Variants in JAKMIP1 observed in about 807,000 individuals in gnomAD.
JAKMIP1 encodes the protein janus kinase and microtubule-interacting protein 1.
JAKMIP1 carries 33 observed loss-of-function variants against 113.0 expected under a neutral mutation model. That is an observed-to-expected ratio of 0.29 (90% confidence interval 0.22 to 0.39). The LOEUF (loss-of-function observed/expected upper bound fraction) is 0.39. JAKMIP1 is among the 10% of genes least tolerant of loss of function. The pLI is 1.00. For missense variants in JAKMIP1, 813 were observed against 1,080.5 expected (o/e 0.75, Z 3.47); for synonymous variants, 480 against 459.9 (o/e 1.04, Z -0.56).
In JAKMIP1 at chr4:6,184,762, G is replaced by A. The variant is rs375645421; in HGVS notation, c.-148+15491C>T. The stretch of plus-strand genomic sequence containing the variant: ...GATGGTTAATATTGAGTGTCAACTC[G>A]ATTGGACAGAAGGATAGAAAGTATT... On this transcript the variant is annotated intron_variant, in intron 1 of 20. Coordinates refer to ENST00000409021, the MANE Select transcript of JAKMIP1 (RefSeq NM_001099433.2). This position sits in a 1 kb window ranked among gnomAD's most constrained non-coding sequence, Gnocchi z 4.5. 3.9e-5 allele frequency among the ~76,000 whole-genome samples: 6 copies of A among 152,162 alleles called. No individual in the cohort carries two copies. The highest frequency in any genetic ancestry group is 7.2e-5 in the African/African-American group (3 of 41,440).
At chr4:6,163,468 G>A (rs1723209057) in intron 1 of JAKMIP1, among the ~76,000 whole-genome samples, 1 of 152,128 alleles carries the variant, frequency 6.6e-6, no homozygotes, top group South Asian at 2.1e-4. Flanking sequence ...CCACTCCACT[G>A]ACCAGCCATT....
intron 1 of JAKMIP1, among the ~76,000 whole-genome samples, chr4:6,128,134 G>A (rs1047401154): frequency 2.0e-5 from 3 of 152,166 alleles, no homozygotes; most frequent in African/African-American, 7.2e-5. Flanking sequence ...ACAGAAACTG[G>A]CCACAGTCAT....
rs958714315 is a variant in JAKMIP1 at position 6,059,503 on chromosome 4, A to G, written c.1644+921T>C. On this transcript the variant is annotated intron_variant, in intron 11 of 20. Transcript: ENST00000409021. This position sits in a 1 kb window ranked among gnomAD's most constrained non-coding sequence, Gnocchi z 4.8. ...GCCTGGCCTCCTCAGCCCCCCATAG[A>G]TGCCTCTCTGCAGGCAGGGGTGGGG... Among the ~76,000 whole-genome samples, 3 of 151,990 alleles carry G rather than the reference A, an allele frequency of 2.0e-5. No individual in the cohort carries two copies. Among genetic ancestry groups the G allele is most frequent in the African/African-American group, 4.8e-5 (2 of 41,384 alleles).
rs1726461370 is a variant in JAKMIP1 at position 6,184,811 on chromosome 4, T to A, written c.-148+15442A>T. Among the ~76,000 whole-genome samples, 1 of 152,228 alleles carries A rather than the reference T, an allele frequency of 6.6e-6. No individual in the cohort carries two copies. The highest frequency in any genetic ancestry group is 2.4e-5 in the African/African-American group (1 of 41,466). ...TTGTTCCTGAGTGTGTCTGTGAGGATCTTACCAAAGGAGATTCACATTTCA... is the reference window on the plus strand; with the variant it reads ...TTGTTCCTGAGTGTGTCTGTGAGGAACTTACCAAAGGAGATTCACATTTCA... On this transcript the variant is annotated intron_variant, in intron 1 of 20. Transcript: ENST00000409021. The surrounding 1 kb of genome is among the most constrained non-coding windows in gnomAD (Gnocchi z 4.5).
intron 3 of JAKMIP1, among the ~76,000 whole-genome samples, chr4:6,101,873 T>A (rs1713099057): frequency 7.0e-6 from 1 of 143,862 alleles, no homozygotes; most frequent in Non-Finnish European, 1.5e-5. Context: ...GCCACTGCAC[T>A]CCAGCCTGAG....
rs557545113 is a variant in JAKMIP1, at chr4:6,116,184, A to G, written c.-147-3187T>C. Among the ~76,000 whole-genome samples, 5 of 152,144 alleles carry G rather than the reference A, an allele frequency of 3.3e-5. No individual in the cohort carries two copies. Among genetic ancestry groups the G allele is most frequent in the South Asian group, 4.2e-4 (2 of 4,810 alleles). On this transcript the variant is annotated intron_variant, in intron 1 of 20. Coordinates refer to ENST00000409021, the MANE Select transcript of JAKMIP1 (RefSeq NM_001099433.2). The surrounding 1 kb of genome is among the most constrained non-coding windows in gnomAD (Gnocchi z 5.1). ...GGCCCCAGCAGCCGGCCTCTGTGCC[A>G]TGGACACACTGTTGATAGTCCCGAC...
At chr4:6,048,622 T>A (rs1246494662) in intron 16 of JAKMIP1, among the ~76,000 whole-genome samples, 1 of 152,210 alleles carries the variant, frequency 6.6e-6, no homozygotes, top group Non-Finnish European at 1.5e-5. Flanking sequence ...TACACAAAAG[T>A]GACAGACTGT....
chr4:6,141,375 G>A lies in JAKMIP1; in HGVS notation c.-147-28378C>T, dbSNP rs573874015. Among the ~76,000 whole-genome samples, 1 of 152,200 alleles carries A rather than the reference G, an allele frequency of 6.6e-6. No homozygotes were observed. The highest frequency in any genetic ancestry group is 1.5e-5 in the Non-Finnish European group (1 of 68,046). The stretch of plus-strand genomic sequence containing the variant: ...TGCTTGAACCCGGCAGGCAGAAGTT[G>A]CAGTGAGCCGAGATCCTGCTACTGC... On this transcript the variant is annotated intron_variant, in intron 1 of 20. Coordinates refer to ENST00000409021, the MANE Select transcript of JAKMIP1 (RefSeq NM_001099433.2). This position sits in a 1 kb window ranked among gnomAD's most constrained non-coding sequence, Gnocchi z 9.4.
intron 11 of JAKMIP1, among the ~76,000 whole-genome samples, 185 bp from the exon 12 acceptor site, chr4:6,056,944 T>G (rs1326988299): frequency 6.6e-6 from 1 of 152,200 alleles, no homozygotes; most frequent in Non-Finnish European, 1.5e-5. Flanking sequence ...ACGGCTGGTT[T>G]GTGGGGCATC....
chr4:6,042,575 T>C lies in JAKMIP1; in HGVS notation c.2029-348A>G, dbSNP rs141133323. Among the ~76,000 whole-genome samples, 71 of 152,062 alleles carry C rather than the reference T, an allele frequency of 4.7e-4. No individual in the cohort carries two copies. The highest frequency in any genetic ancestry group is 1.5e-3 in the African/African-American group (61 of 41,484). On this transcript the variant is annotated intron_variant, in intron 16 of 20. Transcript: ENST00000409021. The surrounding 1 kb of genome is among the most constrained non-coding windows in gnomAD (Gnocchi z 5.2). ...TGAGTGCCTGCTCTGTGCTGATGCT[T>C]CACACAGGAGACCTCATCTGACTCT...
intron 1 of JAKMIP1, among the ~76,000 whole-genome samples, chr4:6,127,908 T>G (rs539031139): frequency 6.6e-6 from 1 of 152,176 alleles, no homozygotes. Flanking sequence ...GCCCCCAAAA[T>G]GCGTCCACTC....
chr4:6,167,097 C>T lies in JAKMIP1; in HGVS notation c.-148+33156G>A, dbSNP rs2109012966. Among the ~76,000 whole-genome samples, 1 of 152,258 alleles carries T rather than the reference C, an allele frequency of 6.6e-6. No individual in the cohort carries two copies. Among genetic ancestry groups the T allele is most frequent in the Non-Finnish European group, 1.5e-5 (1 of 68,004 alleles). ...GTGCGTAGGGGGTACTCAGGGTGGGCTGCTGGTATTATTAAAATTCTTGAA... is the reference window on the plus strand; with the variant it reads ...GTGCGTAGGGGGTACTCAGGGTGGGTTGCTGGTATTATTAAAATTCTTGAA... On this transcript the variant is annotated intron_variant, in intron 1 of 20. Transcript: ENST00000409021. The surrounding 1 kb of genome is among the most constrained non-coding windows in gnomAD (Gnocchi z 5.3).
intron 1 of JAKMIP1, among the ~76,000 whole-genome samples, chr4:6,166,405 C>T (rs1007050524): frequency 2.6e-5 from 4 of 152,150 alleles, no homozygotes; most frequent in African/African-American, 7.2e-5. Flanking sequence ...AGGCAATGGC[C>T]GGAGGAGGAA....
At chr4:6,175,164 G>A (rs957993624) in intron 1 of JAKMIP1, among the ~76,000 whole-genome samples, 18 of 152,110 alleles carry the variant, frequency 1.2e-4, no homozygotes, top group Middle Eastern at 3.4e-3. Flanking sequence ...CAGCAACACA[G>A]CACTGACACG....
At chr4:6,195,837 A>G (rs1325951132) in intron 1 of JAKMIP1, among the ~76,000 whole-genome samples, 2 of 152,250 alleles carry the variant, frequency 1.3e-5, no homozygotes, top group Non-Finnish European at 2.9e-5. Context: ...TGTCTCCCCC[A>G]GCTGCTCAGT....
chr4:6,120,236 C>A (rs1194668794), intron 1 of JAKMIP1, among the ~76,000 whole-genome samples: 2 of 150,128 alleles, frequency 1.3e-5, no homozygotes, highest in Admixed American at 6.6e-5. Context: ...GGAAAAAAAT[C>A]TCTCTCTGAG....
At chr4:6,121,947 T>C (rs1202964607) in intron 1 of JAKMIP1, among the ~76,000 whole-genome samples, 2 of 152,226 alleles carry the variant, frequency 1.3e-5, no homozygotes, top group Non-Finnish European at 2.9e-5. Flanking sequence ...TACAGCATAC[T>C]ACAGTGTATA....
chr4:6,087,184 A>G (rs369703683), intron 3 of JAKMIP1, among the ~76,000 whole-genome samples: 1 of 152,348 alleles, frequency 6.6e-6, no homozygotes, highest in South Asian at 2.1e-4. Flanking sequence ...GATTTCAGAC[A>G]CAGACTGCCA....
chr4:6,109,425 G>A (rs535445083), intron 2 of JAKMIP1, among the ~76,000 whole-genome samples: 12 of 151,732 alleles, frequency 7.9e-5, no homozygotes, highest in African/African-American at 2.2e-4. Context: ...GAGCCACTGC[G>A]GAGCCTGGGG....
Sources: gnomAD v4.1 joint callset for allele counts (sites outside exome capture counted in the v4.1 genomes callset) on GRCh38, gnomAD v4.1.1 for gene constraint, Gnocchi (gnomAD v3.1) non-coding constraint, MANE v1.5 for transcripts, NCBI Gene and HGNC (gene_info 2026-07-23, HGNC 2026-07-21) for gene names.